Variants in CDH12 observed in about 807,000 individuals in gnomAD.
The protein encoded by CDH12 is cadherin-12.
In CDH12, 41 loss-of-function variants were observed where a neutral mutation model predicts 74.1. The ratio of observed to expected loss-of-function variants is 0.55; its 90% CI spans 0.43 to 0.72. The LOEUF (loss-of-function observed/expected upper bound fraction) is 0.72. Among genes scored for constraint, CDH12 ranks in the 30% least tolerant of loss-of-function variants. CDH12 has a pLI of 0.00. For synonymous variants in CDH12, 399 were observed against 355.0 expected (o/e 1.12, Z -1.39); for missense variants, 945 against 977.2 (o/e 0.97, Z 0.44).
rs746120941 is a variant in CDH12, at chr5:21,895,227, C to T, written c.527-40437G>A. On this transcript the variant is annotated intron_variant, in intron 6 of 14. Coordinates refer to ENST00000382254, the MANE Select transcript of CDH12 (RefSeq NM_004061.5). ...ATTGGAGAGAAATGGAATGTATCTC[C>T]CCCTCACACTCCTTCAGCTTACCTC... is the stretch of plus-strand genomic sequence containing the variant. 1.4e-4 allele frequency among the ~76,000 whole-genome samples: 21 copies of T among 152,176 alleles called. No individual in the cohort carries two copies. In the South Asian group the frequency reaches 1.7e-3, roughly 12 times the overall value.
At chr5:22,077,527 T>C (rs1742411170) in intron 5 of CDH12, among the ~76,000 whole-genome samples, 1 of 152,130 alleles carries the variant, frequency 6.6e-6, no homozygotes, top group African/African-American at 2.4e-5. Context: ...GGATTTATTT[T>C]AAACTCTCCT....
chr5:21,882,699 C>A (rs1175647210), intron 6 of CDH12: 11 of 1,524,868 alleles, frequency 7.2e-6, no homozygotes, highest in Admixed American at 6.1e-5. Flanking sequence ...GATGCCCGAG[C>A]CTTAATGCTT....
intron 3 of CDH12, among the ~76,000 whole-genome samples, chr5:22,213,978 C>G (rs1383929188): frequency 6.6e-6 from 1 of 151,282 alleles, no homozygotes; most frequent in Non-Finnish European, 1.5e-5. Context: ...AGAGGAAGAG[C>G]GAGAAGCTAT....
chr5:22,700,522 G>T (rs982436404), intron 1 of CDH12, among the ~76,000 whole-genome samples: 1 of 152,208 alleles, frequency 6.6e-6, no homozygotes, highest in African/African-American at 2.4e-5. Context: ...CCTATGAAAT[G>T]CATGATGAAA....
rs78622288 is a variant in CDH12 at position 21,906,193 on chromosome 5, G to C, written c.527-51403C>G. Among the ~76,000 whole-genome samples the C allele has an allele frequency of 7.8e-3, 1,182 of 152,238 alleles. 19 individuals are homozygous for C. Among genetic ancestry groups the C allele is most frequent in the African/African-American group, 0.027 (1,117 of 41,560 alleles). On this transcript the variant is annotated intron_variant, in intron 6 of 14. Coordinates refer to ENST00000382254, the MANE Select transcript of CDH12 (RefSeq NM_004061.5). ...AAGAATAGATTAGTTTCTTGAAATA[G>C]GATATTTTCCAAATGTGAATACAAT...
intron 5 of CDH12, among the ~76,000 whole-genome samples, chr5:22,032,341 C>T (rs535501052): frequency 9.9e-5 from 15 of 151,982 alleles, no homozygotes; most frequent in South Asian, 2.1e-4. Context: ...TAAGTGTAGG[C>T]GATTCCATTT....
chr5:22,729,742 T>C (rs910395787), intron 1 of CDH12, among the ~76,000 whole-genome samples: 1 of 151,936 alleles, frequency 6.6e-6, no homozygotes, highest in Admixed American at 6.6e-5. Flanking sequence ...TGTCTTGTAG[T>C]TTTCTCTTCT....
intron 3 of CDH12, among the ~76,000 whole-genome samples, chr5:22,274,358 T>C (rs1490107191): frequency 6.6e-6 from 1 of 152,264 alleles, no homozygotes; most frequent in East Asian, 1.9e-4. Context: ...AAAATTTTAA[T>C]CTAATTAAAC....
rs73070166 is a variant in CDH12 at position 22,803,828 on chromosome 5, G to A, written c.-523+49230C>T. Among the ~76,000 whole-genome samples, 840 of 152,182 alleles carry A rather than the reference G, an allele frequency of 5.5e-3. 8 individuals carry two copies. The highest frequency in any genetic ancestry group is 0.019 in the African/African-American group (796 of 41,522). On this transcript the variant is annotated intron_variant, in intron 1 of 14. Transcript: ENST00000382254. ...CCTTTCGTGTGTTTTGTATGGTATC[G>A]TGACATCAAAACCCAATCTGGGGTA...
At chr5:21,827,489 A>G (rs1297101518) in intron 8 of CDH12, among the ~76,000 whole-genome samples, 1 of 152,106 alleles carries the variant, frequency 6.6e-6, no homozygotes, top group Non-Finnish European at 1.5e-5. Flanking sequence ...AGAAAAGAAA[A>G]CTTATTACAT....
chr5:21,970,310 T>C (rs577959653), intron 6 of CDH12, among the ~76,000 whole-genome samples: 6 of 152,278 alleles, frequency 3.9e-5, no homozygotes, highest in African/African-American at 1.4e-4. Context: ...GGATGATAAT[T>C]CACCTGTTCC....
At chr5:21,847,637 CT>C (rs1236386315) in intron 7 of CDH12, among the ~76,000 whole-genome samples, 1 of 152,046 alleles carries the variant, frequency 6.6e-6, no homozygotes, top group African/African-American at 2.4e-5. Context: ...TACACGGAGT[CT>C]ACCCATATAA....
intron 5 of CDH12, among the ~76,000 whole-genome samples, chr5:22,060,494 T>A (rs1741118646): frequency 6.6e-6 from 1 of 151,852 alleles, no homozygotes; most frequent in Non-Finnish European, 1.5e-5. Context: ...ATAAATAAAT[T>A]AATTAAATAA....
intron 1 of CDH12, among the ~76,000 whole-genome samples, chr5:22,595,338 C>T (rs922768382): frequency 6.6e-5 from 10 of 152,098 alleles, no homozygotes; most frequent in African/African-American, 2.4e-4. Flanking sequence ...CCAAGTCAAA[C>T]ACAGACACAA....
At chr5:22,086,286 T>C (rs894038735) in intron 4 of CDH12, among the ~76,000 whole-genome samples, 1 of 152,086 alleles carries the variant, frequency 6.6e-6, no homozygotes, top group South Asian at 2.1e-4. Context: ...TTCTCAAGTA[T>C]GTTAGGAAGC....
At chr5:22,030,424 C>A (rs147971018) in intron 5 of CDH12, among the ~76,000 whole-genome samples, 244 of 152,108 alleles carry the variant, frequency 1.6e-3, no homozygotes, top group African/African-American at 5.8e-3. Context: ...CTTGGGTGAC[C>A]AGGTGCATTG....
rs113171546 is a variant in CDH12 at position 22,341,194 on chromosome 5, T to C, written c.-333+64063A>G. 9.2e-4 allele frequency among the ~76,000 whole-genome samples: 140 copies of C among 152,304 alleles called. 1 individual carries two copies. The highest frequency in any genetic ancestry group is 3.2e-3 in the African/African-American group (132 of 41,572). On this transcript the variant is annotated intron_variant, in intron 3 of 14. Coordinates refer to ENST00000382254, the MANE Select transcript of CDH12 (RefSeq NM_004061.5). Reference sequence around the variant, plus strand: ...TGTTCATGAAAACAAACAGATATTCTTTTAACATAAAGAATGGTCAGGCCA... The same window carrying C: ...TGTTCATGAAAACAAACAGATATTCCTTTAACATAAAGAATGGTCAGGCCA...
chr5:22,762,732 A>G (rs1177521913), intron 1 of CDH12, among the ~76,000 whole-genome samples: 5 of 152,114 alleles, frequency 3.3e-5, no homozygotes, highest in African/African-American at 1.2e-4. Flanking sequence ...GGAAATTCCT[A>G]TAAATACATT....
At chr5:22,287,542 G>A (rs1354548294) in intron 3 of CDH12, among the ~76,000 whole-genome samples, 2 of 151,744 alleles carry the variant, frequency 1.3e-5, no homozygotes, top group Non-Finnish European at 2.9e-5. Context: ...GGCTAACACG[G>A]TGAAACCCCG....
Sources: allele counts gnomAD v4.1 joint callset (sites outside exome capture counted in the v4.1 genomes callset), GRCh38; gene constraint gnomAD v4.1.1; transcripts MANE v1.5; gene names NCBI Gene and HGNC (gene_info 2026-07-23, HGNC 2026-07-21).